Variants in CNTLN observed in about 807,000 individuals in gnomAD.
The protein encoded by CNTLN is centlein, centrosomal protein.
In CNTLN, 212 loss-of-function variants were observed where a neutral mutation model predicts 180.0. The ratio of observed to expected loss-of-function variants is 1.18; its 90% CI spans 1.05 to 1.32. The LOEUF is 1.32. CNTLN is among the 40% of genes most tolerant of loss of function. CNTLN has a pLI of 0.00. For missense variants in CNTLN, 2,095 were observed against 1,610.9 expected (o/e 1.30, Z -5.14); for synonymous variants, 722 against 563.1 (o/e 1.28, Z -3.99).
chr9:17,399,413 C>A (rs1826791532), intron 15 of CNTLN, among the ~76,000 whole-genome samples: 1 of 152,186 alleles, frequency 6.6e-6, no homozygotes, highest in African/African-American at 2.4e-5. Flanking sequence ...ACATAAACTT[C>A]CATGATTCTA....
chr9:17,262,476 C>G, intron 5 of CNTLN, among the ~76,000 whole-genome samples: 1 of 151,296 alleles, frequency 6.6e-6, no homozygotes. Flanking sequence ...AACACAGGAA[C>G]AGAAAACCAG....
intron 23 of CNTLN, among the ~76,000 whole-genome samples, chr9:17,469,009 G>C (rs76041865): frequency 6.6e-6 from 1 of 151,544 alleles, no homozygotes; most frequent in South Asian, 2.1e-4. Context: ...GCTGTCTTCG[G>C]TACTCTTTCA....
intron 1 of CNTLN, among the ~76,000 whole-genome samples, chr9:17,142,419 GA>G (rs375755318): frequency 1.4e-4 from 21 of 152,172 alleles, no homozygotes; most frequent in African/African-American, 4.8e-4. Flanking sequence ...CTGGGAGGGA[GA>G]GGGGCAGATT....
rs373721710 is a variant in CNTLN at position 17,143,247 on chromosome 9, C to T, written c.361-41C>T. ...AATGTAGTATCTTATTTCACTACCA[C>T]TACAAAGCAATGCATCTAAATTCTC... On this transcript the variant is annotated intron_variant, in intron 1 of 25. Coordinates refer to ENST00000380647, the MANE Select transcript of CNTLN (RefSeq NM_017738.4). The T allele has an allele frequency of 8.9e-5, 126 of 1,421,960 alleles. No individual in the cohort carries two copies. The African/African-American group carries it at 1.4e-3, about 16-fold the overall frequency. 88.1% of individuals were successfully genotyped at this position (1,421,960 alleles called of 1,614,324 possible).
intron 1 of CNTLN, among the ~76,000 whole-genome samples, chr9:17,139,162 A>C (rs923157962): frequency 6.6e-6 from 1 of 152,022 alleles, no homozygotes; most frequent in Non-Finnish European, 1.5e-5. Flanking sequence ...ATATGGGCTC[A>C]CTGTAACCTC....
intron 8 of CNTLN, among the ~76,000 whole-genome samples, chr9:17,318,426 T>C (rs566557428): frequency 3.1e-4 from 47 of 152,202 alleles, no homozygotes; most frequent in African/African-American, 1.1e-3. Context: ...TAACAGGCAA[T>C]TGTAATAGTG....
chr9:17,464,481 C>CTTT lies in CNTLN; in HGVS notation c.3405-7_3405-5dup. The stretch of plus-strand genomic sequence containing the variant: ...TATTTTCTGTCACTCTTGATGTCAC[C>CTTT]TTTTTTTTTTTCAAGGATATCTCGA... On this transcript the variant is annotated splice_polypyrimidine_tract_variant and intron_variant, in intron 20 of 25. Coordinates refer to ENST00000380647, the MANE Select transcript of CNTLN (RefSeq NM_017738.4). 7.0e-6 allele frequency: 8 copies of CTTT among 1,147,814 alleles called. No homozygotes were observed. Among genetic ancestry groups the CTTT allele is most frequent in the South Asian group, 3.3e-5 (2 of 59,782 alleles). 71.1% of individuals were successfully genotyped at this position (1,147,814 alleles called of 1,614,324 possible). A position where few individuals can be genotyped will look rare whatever the true frequency, so the allele number is the denominator to read the frequency against.
intron 2 of CNTLN, among the ~76,000 whole-genome samples, chr9:17,210,003 T>C (rs891659535): frequency 6.6e-6 from 1 of 152,198 alleles, no homozygotes; most frequent in African/African-American, 2.4e-5. Context: ...TGTACATCTT[T>C]CATTGTAACT....
chr9:17,259,794 T>G (rs992899032), intron 5 of CNTLN, among the ~76,000 whole-genome samples: 4 of 147,628 alleles, frequency 2.7e-5, no homozygotes, highest in African/African-American at 7.9e-5. Context: ...TGATGGTAAT[T>G]TATATTTCTG....
At position 17,359,695 on chromosome 9, in the gene CNTLN, C is replaced by T. The variant is rs112501426; in HGVS notation, c.1887-6922C>T. On this transcript the variant is annotated intron_variant, in intron 12 of 25. Coordinates refer to ENST00000380647, the MANE Select transcript of CNTLN (RefSeq NM_017738.4). Reference sequence around the variant, plus strand: ...CGGAGATCAAAACCATCCTGGCTAACACGGTGAAACTCCGTCTATACTAAA... The same window carrying T: ...CGGAGATCAAAACCATCCTGGCTAATACGGTGAAACTCCGTCTATACTAAA... Among the ~76,000 whole-genome samples, 416 of 107,456 alleles carry T rather than the reference C, an allele frequency of 3.9e-3. 4 individuals are homozygous for T. Among genetic ancestry groups the T allele is most frequent in the African/African-American group, 0.013 (395 of 30,804 alleles). The allele number at this position is 107,456 out of a possible 152,430, so 70.5% of individuals were successfully genotyped here.
intron 10 of CNTLN, among the ~76,000 whole-genome samples, chr9:17,333,315 C>A (rs993159678): frequency 1.3e-5 from 2 of 152,074 alleles, no homozygotes; most frequent in Admixed American, 6.5e-5. Context: ...TTTGTGAAAT[C>A]TCTTTTTCAA....
intron 12 of CNTLN, among the ~76,000 whole-genome samples, chr9:17,351,667 TACC>T (rs577720439): frequency 1.4e-3 from 214 of 152,300 alleles, no homozygotes; most frequent in African/African-American, 4.8e-3. Context: ...CCCTTATTCA[TACC>T]ACCACCATTT....
At chr9:17,285,422 G>A (rs1200915709) in intron 6 of CNTLN, among the ~76,000 whole-genome samples, 1 of 148,626 alleles carries the variant, frequency 6.7e-6, no homozygotes, top group Non-Finnish European at 1.5e-5. Context: ...CATTTGGGTT[G>A]GTTCCAAGTC....
intron 10 of CNTLN, among the ~76,000 whole-genome samples, chr9:17,333,390 T>C (rs1820773915): frequency 6.6e-6 from 1 of 152,148 alleles, no homozygotes; most frequent in African/African-American, 2.4e-5. Flanking sequence ...TTTTTTCTCT[T>C]TCATTCTTCA....
the CNTLN span, among the ~76,000 whole-genome samples, chr9:17,515,185 G>A: frequency 6.6e-6 from 1 of 151,974 alleles, no homozygotes; most frequent in Non-Finnish European, 1.5e-5. Context: ...TGCTGGTCAC[G>A]CTTTCTTGAA....
At chr9:17,383,309 G>A (rs189470351) in intron 13 of CNTLN, among the ~76,000 whole-genome samples, 183 of 151,800 alleles carry the variant, frequency 1.2e-3, no homozygotes, top group African/African-American at 4.0e-3. Flanking sequence ...CAGGTGAATC[G>A]TTTGAATCCA....
At chr9:17,328,974 C>T (rs1302892523) in intron 8 of CNTLN, among the ~76,000 whole-genome samples, 1 of 151,844 alleles carries the variant, frequency 6.6e-6, no homozygotes, top group African/African-American at 2.4e-5. Context: ...TTGTTAATGT[C>T]TTATATTTGA....
intron 6 of CNTLN, among the ~76,000 whole-genome samples, chr9:17,288,399 A>G (rs1158592331): frequency 7.2e-6 from 1 of 138,962 alleles, no homozygotes; most frequent in Non-Finnish European, 1.5e-5. Flanking sequence ...CTGTTCTTTT[A>G]CATTTGCTGA....
intron 25 of CNTLN, among the ~76,000 whole-genome samples, chr9:17,500,866 T>C (rs1833712802): frequency 6.6e-6 from 1 of 152,232 alleles, no homozygotes; most frequent in African/African-American, 2.4e-5. Flanking sequence ...CTAAAATTAA[T>C]GCTCTCAAGG....
Sources: allele counts gnomAD v4.1 joint callset (sites outside exome capture counted in the v4.1 genomes callset), GRCh38; gene constraint gnomAD v4.1.1; transcripts MANE v1.5; gene names NCBI Gene and HGNC (gene_info 2026-07-23, HGNC 2026-07-21).